ATP4A: variants seen among roughly 807,000 people sequenced by gnomAD.
The protein encoded by ATP4A is ATPase H+/K+ transporting subunit alpha, also known as potassium-transporting ATPase alpha chain 1.
Under a neutral mutation model 112.1 loss-of-function variants are expected in ATP4A, and 73 were observed. The ratio of observed to expected loss-of-function variants is 0.65; its 90% CI spans 0.54 to 0.79. ATP4A has a LOEUF of 0.79. Among genes scored for constraint, ATP4A ranks in the 30% least tolerant of loss-of-function variants. The pLI is 0.00. For synonymous variants in ATP4A, 588 were observed against 588.9 expected (o/e 1.00, Z 0.02); for missense variants, 1,081 against 1,425.9 (o/e 0.76, Z 3.90).
At chr19:35,552,969 C>T (rs62109961) in intron 18 of ATP4A, 68 bp downstream of exon 18, 48,346 of 1,510,944 alleles carry the variant, frequency 0.032, 955 homozygotes, top group Non-Finnish European at 0.038. Flanking sequence ...ACAAGTGGGC[C>T]GCACACAAGG....
Position 35,558,632 on chromosome 19 carries a change from G to GT in ATP4A, c.1309dup (p.Thr437AsnfsTer137), listed in dbSNP as rs755432136. On this transcript the variant is annotated frameshift_variant, in exon 9 of 22. Coordinates refer to ENST00000262623, the MANE Select transcript of ATP4A (RefSeq NM_000704.3). LOFTEE classifies it high-confidence loss of function. The surrounding 1 kb of genome is among the most constrained non-coding windows in gnomAD (Gnocchi z 5.1). ...CTTGAAGGCGGCGCGGTTGCACAGG[G>GT]TGAGCACCCGGCACAGCGCCCGCCA... 6.3e-7 allele frequency: 1 copy of GT among 1,599,376 alleles called. No individual in the cohort carries two copies. The highest frequency in any genetic ancestry group is 1.1e-5 in the South Asian group (1 of 88,458).
chr19:35,553,236 C>T, intron 17 of ATP4A, 54 bp from the exon 18 acceptor site: 1 of 1,552,174 alleles, frequency 6.4e-7, no homozygotes, highest in Non-Finnish European at 8.8e-7. Context: ...GAGACAGGGA[C>T]ACAGGAAGAG....
chr19:35,557,568 G>C lies in ATP4A; in HGVS notation c.1693+87C>G. The C allele has an allele frequency of 5.5e-6, 8 of 1,443,580 alleles. No individual in the cohort carries two copies. Among genetic ancestry groups the C allele is most frequent in the Non-Finnish European group, 7.4e-6 (8 of 1,074,094 alleles). The allele number at this position is 1,443,580 out of a possible 1,614,324, so 89.4% of individuals were successfully genotyped here. On this transcript the variant is annotated intron_variant, in intron 11 of 21. Transcript: ENST00000262623. This position sits in a 1 kb window ranked among gnomAD's most constrained non-coding sequence, Gnocchi z 4.4. ...TCAGCCAGCAGCCAGGGATGAGGAC[G>C]GTCAGGGCTGGGCCGGGAGTGGTGG...
chr19:35,554,394 C>G (rs1220829965), intron 16 of ATP4A, among the ~76,000 whole-genome samples: 2 of 152,108 alleles, frequency 1.3e-5, no homozygotes, highest in Non-Finnish European at 2.9e-5. Flanking sequence ...AGTAACAAAA[C>G]TCATCTCATA....
At chr19:35,554,551 C>A (rs1459138385) in intron 16 of ATP4A, among the ~76,000 whole-genome samples, 1 of 152,204 alleles carries the variant, frequency 6.6e-6, no homozygotes, top group Non-Finnish European at 1.5e-5. Context: ...TTCTGTCTGT[C>A]TGCCATGGGG....
chr19:35,555,901 C>T lies in ATP4A; in HGVS notation c.1870-89G>A. The stretch of plus-strand genomic sequence containing the variant: ...GGAGACATCTGCTGATACACGTGTT[C>T]ATTTACTTGACCAAGCGTGACCACC... On this transcript the variant is annotated intron_variant, in intron 12 of 21. Coordinates refer to ENST00000262623, the MANE Select transcript of ATP4A (RefSeq NM_000704.3). The surrounding 1 kb of genome is among the most constrained non-coding windows in gnomAD (Gnocchi z 6.6). 6 of 1,507,624 alleles carry T rather than the reference C, an allele frequency of 4.0e-6. No individual in the cohort carries two copies. The highest frequency in any genetic ancestry group is 5.3e-6 in the Non-Finnish European group (6 of 1,124,294). 93.4% of individuals were successfully genotyped at this position (1,507,624 alleles called of 1,614,324 possible). A position where few individuals can be genotyped will look rare whatever the true frequency, so the allele number is the denominator to read the frequency against.
chr19:35,556,843 G>A, intron 12 of ATP4A, 70 bp downstream of exon 12: 2 of 1,549,696 alleles, frequency 1.3e-6, no homozygotes, highest in Admixed American at 3.8e-5. Context: ...TTTGTCATGG[G>A]GTTCTTCAAC....
rs1568316030 is a variant in ATP4A at position 35,560,603 on chromosome 19, T to G, written c.547A>C (p.Ile183Leu). 5 of 1,598,890 alleles carry G rather than the reference T, an allele frequency of 3.1e-6. No individual in the cohort carries two copies. The highest frequency in any genetic ancestry group is 1.4e-5 in the African/African-American group (1 of 71,260). Residue 183 changes from isoleucine (I) to leucine (L), a missense_variant, in exon 6 of 22, where the codon ATC becomes CTC. By Grantham distance (5) the Ile-to-Leu change is conservative. Transcript: ENST00000262623. This position sits in a 1 kb window ranked among gnomAD's most constrained non-coding sequence, Gnocchi z 5.1. ...ATCTGGAATTTGTCTCCATCGCGGA[T>G]GACAGTGGCTTGCTGCGGGGCAGGG... ...KNLVPQQATV[I>L]RDGDKFQINA...
rs2071654775 is a variant in ATP4A, at chr19:35,559,572, A to G, written c.1056+233T>C. ...CCTGCACAGGACATCAGCCTCTTCC[A>G]GTTAAGGACCCGGCCTCGTCATCTC... is the stretch of plus-strand genomic sequence containing the variant. On this transcript the variant is annotated intron_variant, in intron 7 of 21. Coordinates refer to ENST00000262623, the MANE Select transcript of ATP4A (RefSeq NM_000704.3). The surrounding 1 kb of genome is among the most constrained non-coding windows in gnomAD (Gnocchi z 4.1). Among the ~76,000 whole-genome samples, 1 of 152,238 alleles carries G rather than the reference A, an allele frequency of 6.6e-6. No individual in the cohort carries two copies. Among genetic ancestry groups the G allele is most frequent in the South Asian group, 2.1e-4 (1 of 4,834 alleles).
At position 35,560,713 on chromosome 19, in the gene ATP4A, G is replaced by A. The variant is rs561231881; in HGVS notation, c.535-98C>T. On this transcript the variant is annotated intron_variant, in intron 5 of 21. Transcript: ENST00000262623. This position sits in a 1 kb window ranked among gnomAD's most constrained non-coding sequence, Gnocchi z 5.1. Reference sequence around the variant, plus strand: ...GGATGAGGAGAGCTGGGACCCATGGGGAGAGATGGAGGCCACAGATGAGGG... The same window carrying A: ...GGATGAGGAGAGCTGGGACCCATGGAGAGAGATGGAGGCCACAGATGAGGG... The A allele has an allele frequency of 3.4e-5, 54 of 1,583,382 alleles. 1 individual carries two copies. The African/African-American group carries it at 6.3e-4, about 19-fold the overall frequency.
rs1454131622 is a variant in ATP4A at position 35,560,677 on chromosome 19, G to A, written c.535-62C>T. ...GGTGGGGGTGGGAGCTGCTGCATGTGGGGAGGTAAAGGATGAGGAGAGCTG... is the reference window on the plus strand; with the variant it reads ...GGTGGGGGTGGGAGCTGCTGCATGTAGGGAGGTAAAGGATGAGGAGAGCTG... On this transcript the variant is annotated intron_variant, in intron 5 of 21. Transcript: ENST00000262623. The surrounding 1 kb of genome is among the most constrained non-coding windows in gnomAD (Gnocchi z 5.1). 6 of 1,590,720 alleles carry A rather than the reference G, an allele frequency of 3.8e-6. No individual in the cohort carries two copies. The East Asian group carries it at 1.3e-4, about 36-fold the overall frequency.
In ATP4A at chr19:35,551,706, A is replaced by C; in HGVS notation, c.2752-126T>G. On this transcript the variant is annotated intron_variant, in intron 18 of 21. Coordinates refer to ENST00000262623, the MANE Select transcript of ATP4A (RefSeq NM_000704.3). This position sits in a 1 kb window ranked among gnomAD's most constrained non-coding sequence, Gnocchi z 5.2. ...CTAAATGCTCTCTCTGCCTTGCATC[A>C]GAGTGTGGGGGTGGGGGGAAGGAGA... is the stretch of plus-strand genomic sequence containing the variant. The C allele has an allele frequency of 8.2e-7, 1 of 1,216,716 alleles. No individual in the cohort carries two copies. 75.4% of individuals were successfully genotyped at this position (1,216,716 alleles called of 1,614,324 possible). A position where few individuals can be genotyped will look rare whatever the true frequency, so the allele number is the denominator to read the frequency against.
chr19:35,554,448 G>T (rs1434159270), intron 16 of ATP4A, among the ~76,000 whole-genome samples: 1 of 152,094 alleles, frequency 6.6e-6, no homozygotes, highest in African/African-American at 2.4e-5. Context: ...GGTGTGTCTG[G>T]CCCAGAGAAA....
chr19:35,550,875 T>C lies in ATP4A; in HGVS notation c.3038A>G (p.Tyr1013Cys), dbSNP rs777066391. Reference sequence around the variant, plus strand: ...AACTCCAAGCTTCCGGATCTCATCATAGACGAAGATGAGGATGCCGTAGGG... The same window carrying C: ...AACTCCAAGCTTCCGGATCTCATCACAGACGAAGATGAGGATGCCGTAGGG... ...PLPYGILIFV[Y>C]DEIRKLGVRC... The change falls in exon 21 of 22, where the codon TAT (tyrosine) becomes TGT (cysteine). Residue 1013 changes from tyrosine (Y) to cysteine (C), a missense_variant. This residue lies in a region of ATP4A where 219 missense variants were observed against 320.9 expected (regional missense o/e 0.68). Coordinates refer to ENST00000262623, the MANE Select transcript of ATP4A (RefSeq NM_000704.3). The surrounding 1 kb of genome is among the most constrained non-coding windows in gnomAD (Gnocchi z 4.1). 2 of 1,614,242 alleles carry C rather than the reference T, an allele frequency of 1.2e-6. No individual in the cohort carries two copies. Among genetic ancestry groups the C allele is most frequent in the East Asian group, 2.2e-5 (1 of 44,890 alleles).
Position 35,558,826 on chromosome 19 carries a change from A to G in ATP4A, c.1256-140T>C. ...GGTTCCACCCAACCCTGAGGGACCC[A>G]GCCCCCGGATGACCCTTCCCTCTAG... On this transcript the variant is annotated intron_variant, in intron 8 of 21. Transcript: ENST00000262623. This position sits in a 1 kb window ranked among gnomAD's most constrained non-coding sequence, Gnocchi z 5.1. 1 of 1,260,374 alleles carries G rather than the reference A, an allele frequency of 7.9e-7. No individual in the cohort carries two copies. The highest frequency in any genetic ancestry group is 2.5e-5 in the East Asian group (1 of 40,072). 78.1% of individuals were successfully genotyped at this position (1,260,374 alleles called of 1,614,324 possible).
Position 35,560,663 on chromosome 19 carries a change from G to GGGGGGGGGGTGGC in ATP4A, c.535-49_535-48insGCCACCCCCCCCC. 2.3e-6 allele frequency: 2 copies of GGGGGGGGGGTGGC among 883,938 alleles called. No individual in the cohort carries two copies. Among genetic ancestry groups the GGGGGGGGGGTGGC allele is most frequent in the Non-Finnish European group, 1.8e-6 (1 of 561,704 alleles). 54.8% of individuals were successfully genotyped at this position (883,938 alleles called of 1,614,324 possible). On this transcript the variant is annotated intron_variant, in intron 5 of 21. Coordinates refer to ENST00000262623, the MANE Select transcript of ATP4A (RefSeq NM_000704.3). The surrounding 1 kb of genome is among the most constrained non-coding windows in gnomAD (Gnocchi z 5.1). ...TTGAGGTGGACGGGGGTGGGGGTGG[G>GGGGGGGGGGTGGC]AGCTGCTGCATGTGGGGAGGTAAAG...
chr19:35,563,635 C>T lies in ATP4A; in HGVS notation c.-6G>A, dbSNP rs1280043593. On this transcript the variant is annotated 5_prime_UTR_variant, in exon 1 of 22. Coordinates refer to ENST00000262623, the MANE Select transcript of ATP4A (RefSeq NM_000704.3). ...CCACTCACGGCCTTCCCCATGGTGC[C>T]CGGTGCCTGTGCTCCCACCCAACAG... 2.5e-6 allele frequency: 4 copies of T among 1,614,026 alleles called. No individual in the cohort carries two copies. The East Asian group carries it at 6.7e-5, about 27-fold the overall frequency.
At position 35,560,597 on chromosome 19, in the gene ATP4A, C is replaced by T. The variant is rs549194754; in HGVS notation, c.553G>A (p.Asp185Asn). The change falls in exon 6 of 22, where the codon GAT becomes AAT. Residue 185 changes from aspartate (D) to asparagine (N), a missense_variant. Asp to Asn is a conservative substitution (Grantham distance 23, BLOSUM62 1). Around this residue, in one of 3 missense-constraint regions of ATP4A, gnomAD observed 850 missense variants for 1,068.2 expected, o/e 0.80. Transcript: ENST00000262623. The surrounding 1 kb of genome is among the most constrained non-coding windows in gnomAD (Gnocchi z 5.1). ...LVPQQATVIR[D>N]GDKFQINADQ... ...GCGTTGATCTGGAATTTGTCTCCAT[C>T]GCGGATGACAGTGGCTTGCTGCGGG... The T allele has an allele frequency of 5.6e-6, 8 of 1,423,338 alleles. No individual in the cohort carries two copies. In the South Asian group the frequency reaches 6.8e-5, roughly 12 times the overall value. 88.2% of individuals were successfully genotyped at this position (1,423,338 alleles called of 1,614,324 possible).
chr19:35,553,142 C>T lies in ATP4A; in HGVS notation c.2646G>A (p.Thr882=), dbSNP rs143398434. 1.1e-4 allele frequency: 183 copies of T among 1,607,526 alleles called. No homozygotes were observed. The highest frequency in any genetic ancestry group is 1.5e-4 in the African/African-American group (11 of 74,792). The change falls in exon 18 of 22, where the codon ACG becomes ACA. Residue 882 remains threonine (T), a synonymous_variant. Transcript: ENST00000262623. ...QSFAGFTDYF[T]AMAQEGWFPL... ...GGAACCAGCCCTCCTGGGCCATTGC[C>T]GTGAAGTAGTCAGTGAAGCCAGCAA... is the stretch of plus-strand genomic sequence containing the variant.
Sources: gnomAD v4.1 joint callset for allele counts (sites outside exome capture counted in the v4.1 genomes callset) on GRCh38, gnomAD v4.1.1 for gene constraint, gnomAD v4.1.1 regional missense constraint, Gnocchi (gnomAD v3.1) non-coding constraint, MANE v1.5 for transcripts, NCBI Gene and HGNC (gene_info 2026-07-23, HGNC 2026-07-21) for gene names.